The following SYN3 variants were observed in gnomAD, a reference collection of about 807,000 sequenced individuals.
SYN3 encodes the protein synapsin III.
SYN3 carries 35 observed loss-of-function variants against 65.8 expected under a neutral mutation model. The observed-to-expected ratio is 0.53, with a 90% CI of 0.41 to 0.70. The LOEUF (loss-of-function observed/expected upper bound fraction) is 0.70, where lower values mean the gene tolerates loss of function less well. SYN3 is among the 30% of genes least tolerant of loss of function. The pLI is 0.00. For synonymous variants in SYN3, 270 were observed against 292.9 expected, an observed-to-expected ratio of 0.92 and a Z score of 0.80; for missense variants, 680 against 749.0, an observed-to-expected ratio of 0.91 and a Z score of 1.08.
intron 6 of SYN3, among the ~76,000 whole-genome samples, chr22:32,757,027 C>T (rs891723327): frequency 2.0e-5 from 3 of 147,140 alleles, no homozygotes; most frequent in Non-Finnish European, 4.4e-5. Flanking sequence ...ATAATTGTCC[C>T]TTAATTGACA....
chr22:32,518,261 T>C lies in SYN3; in HGVS notation c.1392A>G (p.Gln464=). 1 of 1,612,938 alleles carries C rather than the reference T, an allele frequency of 6.2e-7. No homozygotes were observed. Among genetic ancestry groups the C allele is most frequent in the Non-Finnish European group, 8.5e-7 (1 of 1,179,372 alleles). ...ACTGGGGGCTCAGGGGCTGCTGGCC[T>C]TGTGGGGAGAGCCTCTGTTGGGAGG... is the stretch of plus-strand genomic sequence containing the variant. ...GSPSQQRLSP[Q]GQQPLSPQSG... The change falls in exon 13 of 14, where the codon CAA becomes CAG. Residue 464 remains glutamine (Q), a synonymous_variant. Coordinates refer to ENST00000358763, the MANE Select transcript of SYN3 (RefSeq NM_003490.4).
At chr22:32,536,243 C>G (rs1345833250) in intron 9 of SYN3, among the ~76,000 whole-genome samples, 1 of 152,218 alleles carries the variant, frequency 6.6e-6, no homozygotes, top group South Asian at 2.1e-4. Context: ...CCACATGATT[C>G]AGTCGTGCCA....
chr22:32,843,593 G>C (rs1419457537), intron 6 of SYN3, among the ~76,000 whole-genome samples: 2 of 152,182 alleles, frequency 1.3e-5, no homozygotes, highest in Non-Finnish European at 2.9e-5. Context: ...AGACAAGCTG[G>C]GTGACAGGGA....
At chr22:32,524,660 A>G (rs573596588) in intron 12 of SYN3, among the ~76,000 whole-genome samples, 1 of 152,318 alleles carries the variant, frequency 6.6e-6, no homozygotes, top group Admixed American at 6.5e-5. Flanking sequence ...AATACATATC[A>G]CGTCTTTTAG....
chr22:33,001,404 C>T (rs1338036433), intron 2 of SYN3, among the ~76,000 whole-genome samples: 2 of 152,188 alleles, frequency 1.3e-5, no homozygotes, highest in African/African-American at 4.8e-5. Flanking sequence ...TGTTCCCCTA[C>T]CCTACTGTAT....
At chr22:32,636,605 G>A (rs1233073515) in intron 6 of SYN3, among the ~76,000 whole-genome samples, 1 of 152,112 alleles carries the variant, frequency 6.6e-6, no homozygotes, top group Non-Finnish European at 1.5e-5. Flanking sequence ...CCTTGATCCT[G>A]GGGGGATAAT....
intron 6 of SYN3, among the ~76,000 whole-genome samples, chr22:32,834,868 C>A (rs548937843): frequency 3.3e-5 from 5 of 152,146 alleles, no homozygotes; most frequent in Non-Finnish European, 5.9e-5. Context: ...GTGGAACAGT[C>A]CTAAAGAATC....
chr22:32,776,997 T>C (rs965432466), intron 6 of SYN3, among the ~76,000 whole-genome samples: 8 of 152,238 alleles, frequency 5.3e-5, no homozygotes, highest in South Asian at 2.1e-4. Context: ...CCTCACAGCA[T>C]GATCACTAGA....
intron 2 of SYN3, among the ~76,000 whole-genome samples, chr22:33,004,970 T>C (rs537616826): frequency 8.1e-4 from 123 of 152,234 alleles, no homozygotes; most frequent in Non-Finnish European, 2.4e-4. Context: ...TACCCCCACG[T>C]TGGTGTTCTC....
At chr22:32,642,761 G>A (rs1308370992) in intron 6 of SYN3, among the ~76,000 whole-genome samples, 1 of 152,030 alleles carries the variant, frequency 6.6e-6, no homozygotes, top group Non-Finnish European at 1.5e-5. Flanking sequence ...GTCTCACTAT[G>A]TTGCCCAGGC....
At chr22:32,684,199 A>T (rs2060560691) in intron 6 of SYN3, among the ~76,000 whole-genome samples, 1 of 152,152 alleles carries the variant, frequency 6.6e-6, no homozygotes, top group East Asian at 1.9e-4. Context: ...GAAATACTGA[A>T]ATAAGGCGTT....
At chr22:32,986,021 C>A (rs761750547) in intron 2 of SYN3, among the ~76,000 whole-genome samples, 14 of 152,090 alleles carry the variant, frequency 9.2e-5, no homozygotes, top group Non-Finnish European at 1.9e-4. Flanking sequence ...CATCACTTAG[C>A]TGCCCTCTGC....
intron 1 of SYN3, among the ~76,000 whole-genome samples, chr22:33,026,947 CGTCT>C (rs1039936179): frequency 7.9e-5 from 12 of 152,222 alleles, no homozygotes; most frequent in Admixed American, 2.0e-4. Flanking sequence ...TTGGGAACTC[CGTCT>C]TTCTTCCCTT....
intron 12 of SYN3, among the ~76,000 whole-genome samples, chr22:32,522,922 T>C (rs140641709): frequency 3.7e-4 from 57 of 152,300 alleles, no homozygotes; most frequent in African/African-American, 1.2e-3. Flanking sequence ...AGAATACTAA[T>C]GTGTATTTTA....
intron 6 of SYN3, among the ~76,000 whole-genome samples, chr22:32,671,515 A>C (rs988399348): frequency 5.9e-5 from 9 of 151,706 alleles, no homozygotes; most frequent in Non-Finnish European, 1.2e-4. Context: ...ACACGCTCTC[A>C]CACAGCTACA....
At chr22:32,567,261 C>A (rs1468886498) in intron 7 of SYN3, among the ~76,000 whole-genome samples, 2 of 151,940 alleles carry the variant, frequency 1.3e-5, no homozygotes, top group Admixed American at 1.3e-4. Context: ...GAAGGCCCAT[C>A]GGTGGATTGA....
At chr22:32,520,076 A>AAAGT (rs754178301) in intron 12 of SYN3, among the ~76,000 whole-genome samples, 1 of 152,162 alleles carries the variant, frequency 6.6e-6, no homozygotes, top group Non-Finnish European at 1.5e-5. Context: ...CACATTTTAA[A>AAAGT]AAGTAAAAAG....
At chr22:33,009,374 T>C (rs1346286113) in intron 1 of SYN3, among the ~76,000 whole-genome samples, 1 of 152,232 alleles carries the variant, frequency 6.6e-6, no homozygotes, top group Admixed American at 6.5e-5. Flanking sequence ...TTAATGACAT[T>C]GAACAAGTTT....
intron 6 of SYN3, among the ~76,000 whole-genome samples, chr22:32,804,680 TG>T (rs2046678302): frequency 6.6e-6 from 1 of 152,324 alleles, no homozygotes; most frequent in African/African-American, 2.4e-5. Context: ...TCCTAGGGCC[TG>T]GCATGGCATT....
Sources: allele counts gnomAD v4.1 joint callset (sites outside exome capture counted in the v4.1 genomes callset), GRCh38; gene constraint gnomAD v4.1.1; transcripts MANE v1.5; gene names NCBI Gene and HGNC (gene_info 2026-07-23, HGNC 2026-07-21).